SEMA5A: variants seen among roughly 807,000 people sequenced by gnomAD.
SEMA5A encodes semaphorin 5A.
In SEMA5A, 55 loss-of-function variants were observed where a neutral mutation model predicts 135.5. The observed-to-expected ratio is 0.41, with a 90% CI of 0.33 to 0.51. The LOEUF (loss-of-function observed/expected upper bound fraction) is 0.51, where lower values mean the gene tolerates loss of function less well. Among genes scored for constraint, SEMA5A ranks in the 20% least tolerant of loss-of-function variants. The pLI is 0.37. For synonymous variants in SEMA5A, 580 were observed against 546.5 expected (o/e 1.06, Z -0.85); for missense variants, 1,290 against 1,419.9 (o/e 0.91, Z 1.47).
At chr5:9,529,684 C>T (rs369681737) in intron 1 of SEMA5A, among the ~76,000 whole-genome samples, 2 of 152,146 alleles carry the variant, frequency 1.3e-5, no homozygotes, top group African/African-American at 4.8e-5. Context: ...AAATACCGGA[C>T]TCCTCCTAGT....
intron 16 of SEMA5A, 54 bp downstream of exon 16, chr5:9,108,086 G>A: frequency 1.3e-6 from 2 of 1,583,902 alleles, no homozygotes; most frequent in Non-Finnish European, 1.7e-6. Flanking sequence ...TGTGTATTGA[G>A]TCTGTATTCC....
chr5:9,384,743 G>T (rs1270876853), intron 2 of SEMA5A, among the ~76,000 whole-genome samples: 7 of 149,546 alleles, frequency 4.7e-5, no homozygotes, highest in African/African-American at 1.5e-4. Context: ...CAGACAGACA[G>T]ATGCATACAT....
chr5:9,389,718 G>A (rs1305791828), intron 2 of SEMA5A, among the ~76,000 whole-genome samples: 1 of 152,002 alleles, frequency 6.6e-6, no homozygotes, highest in Admixed American at 6.5e-5. Flanking sequence ...AGCCATTTTT[G>A]TTGTTGTTGT....
chr5:9,265,953 T>C (rs1749663915), intron 5 of SEMA5A, among the ~76,000 whole-genome samples: 1 of 152,222 alleles, frequency 6.6e-6, no homozygotes, highest in African/African-American at 2.4e-5. Context: ...AATTGCTACA[T>C]TTCAACATTC....
At chr5:9,089,633 T>C (rs1296306445) in intron 16 of SEMA5A, among the ~76,000 whole-genome samples, 1 of 152,224 alleles carries the variant, frequency 6.6e-6, no homozygotes, top group Non-Finnish European at 1.5e-5. Flanking sequence ...CTTTACCTTG[T>C]TGCATTGAAT....
chr5:9,213,378 G>A (rs935283473), intron 8 of SEMA5A, among the ~76,000 whole-genome samples: 2 of 152,214 alleles, frequency 1.3e-5, no homozygotes, highest in African/African-American at 2.4e-5. Context: ...TTGTAGTGGT[G>A]GGAGGAAATA....
At chr5:9,102,012 T>G (rs1739658075) in intron 16 of SEMA5A, among the ~76,000 whole-genome samples, 1 of 152,122 alleles carries the variant, frequency 6.6e-6, no homozygotes, top group Admixed American at 6.6e-5. Context: ...AATAAGTGAA[T>G]AAGAAGAAAA....
intron 9 of SEMA5A, 53 bp from the exon 10 acceptor site, chr5:9,197,356 T>C: frequency 1.3e-6 from 2 of 1,593,078 alleles, no homozygotes; most frequent in Non-Finnish European, 1.7e-6. Context: ...CAGCACCTGC[T>C]GACCTCCCCC....
At chr5:9,245,847 C>T (rs1412572819) in intron 5 of SEMA5A, among the ~76,000 whole-genome samples, 1 of 152,046 alleles carries the variant, frequency 6.6e-6, no homozygotes, top group African/African-American at 2.4e-5. Flanking sequence ...TTTTAAGGAA[C>T]CAAATTTATC....
chr5:9,404,934 C>T (rs1310413168), intron 2 of SEMA5A, among the ~76,000 whole-genome samples: 2 of 152,170 alleles, frequency 1.3e-5, no homozygotes, highest in Non-Finnish European at 2.9e-5. Context: ...GATTATCCAG[C>T]CAACCAAAGA....
At position 9,204,817 on chromosome 5, in the gene SEMA5A, C is replaced by T. The variant is rs1161703447; in HGVS notation, c.647-2577G>A. Reference sequence around the variant, plus strand: ...TGAGCAGCAGGCAAATGAATGTTACCTCCTGAGCTCCGCCTCCCGTCAGAT... The same window carrying T: ...TGAGCAGCAGGCAAATGAATGTTACTTCCTGAGCTCCGCCTCCCGTCAGAT... On this transcript the variant is annotated intron_variant, in intron 8 of 22. Transcript: ENST00000382496. This position sits in a 1 kb window ranked among gnomAD's most constrained non-coding sequence, Gnocchi z 6.4. Among the ~76,000 whole-genome samples the T allele has an allele frequency of 6.6e-6, 1 of 152,142 alleles. No individual in the cohort carries two copies. Among genetic ancestry groups the T allele is most frequent in the African/African-American group, 2.4e-5 (1 of 41,428 alleles).
intron 3 of SEMA5A, among the ~76,000 whole-genome samples, chr5:9,346,203 G>A (rs1235167229): frequency 6.6e-6 from 1 of 152,054 alleles, no homozygotes; most frequent in Non-Finnish European, 1.5e-5. Context: ...GACTTCAGAG[G>A]GACAGTTTGA....
intron 16 of SEMA5A, among the ~76,000 whole-genome samples, chr5:9,085,457 A>G (rs746781011): frequency 6.6e-6 from 1 of 152,134 alleles, no homozygotes; most frequent in African/African-American, 2.4e-5. Context: ...CACTCTAGCC[A>G]TGGCTGAAAG....
intron 4 of SEMA5A, among the ~76,000 whole-genome samples, chr5:9,332,962 A>G (rs1056467864): frequency 3.9e-5 from 6 of 152,198 alleles, no homozygotes; most frequent in Non-Finnish European, 1.5e-5. Context: ...TTTGTTTGAG[A>G]GCTTACAGAC....
chr5:9,197,072 G>A (rs1032963694), intron 10 of SEMA5A, 96 bp downstream of exon 10: 2 of 1,525,398 alleles, frequency 1.3e-6, no homozygotes, highest in African/African-American at 1.4e-5. Context: ...CATGGTGCAT[G>A]CACCCGCGGT....
intron 1 of SEMA5A, among the ~76,000 whole-genome samples, chr5:9,505,668 G>C (rs1474834801): frequency 6.6e-6 from 1 of 152,196 alleles, no homozygotes; most frequent in Non-Finnish European, 1.5e-5. Flanking sequence ...TCTGGTGAAG[G>C]AGAACCTTGC....
At chr5:9,485,573 C>T (rs181354299) in intron 1 of SEMA5A, among the ~76,000 whole-genome samples, 1 of 152,342 alleles carries the variant, frequency 6.6e-6, no homozygotes, top group Non-Finnish European at 1.5e-5. Flanking sequence ...CACCCTGTGT[C>T]AAGCAGCAGG....
At chr5:9,404,752 T>C (rs1323786865) in intron 2 of SEMA5A, among the ~76,000 whole-genome samples, 2 of 152,228 alleles carry the variant, frequency 1.3e-5, no homozygotes, top group African/African-American at 2.4e-5. Flanking sequence ...TAGCTAGTTA[T>C]TGAGATCACA....
At chr5:9,292,658 A>T (rs888176782) in intron 5 of SEMA5A, among the ~76,000 whole-genome samples, 1 of 152,192 alleles carries the variant, frequency 6.6e-6, no homozygotes, top group African/African-American at 2.4e-5. Flanking sequence ...CTGCAAAAAA[A>T]ACCATGTTTG....
Sources: allele counts gnomAD v4.1 joint callset (sites outside exome capture counted in the v4.1 genomes callset), GRCh38; gene constraint gnomAD v4.1.1; non-coding constraint Gnocchi (gnomAD v3.1); transcripts MANE v1.5; gene names NCBI Gene and HGNC (gene_info 2026-07-23, HGNC 2026-07-21).